The following CACNA2D2 variants were observed in gnomAD, a reference collection of about 807,000 sequenced individuals.
CACNA2D2 encodes the protein voltage-dependent calcium channel subunit alpha-2/delta-2.
A neutral mutation model predicts 166.4 loss-of-function variants in CACNA2D2; 48 were observed. The observed-to-expected ratio is 0.29, with a 90% confidence interval of 0.23 to 0.37. The LOEUF is 0.37. CACNA2D2 is among the 10% of genes least tolerant of loss of function. The pLI is 1.00. For missense variants in CACNA2D2, 1,122 were observed against 1,433.0 expected, an observed-to-expected ratio of 0.78 and a Z score of 3.50; for synonymous variants, 561 against 573.7, an observed-to-expected ratio of 0.98 and a Z score of 0.32.
At chr3:50,403,127 CCT>C (rs1195765639) in intron 3 of CACNA2D2, among the ~76,000 whole-genome samples, 1 of 152,216 alleles carries the variant, frequency 6.6e-6, no homozygotes, top group African/African-American at 2.4e-5. Flanking sequence ...ACTGCCCTCA[CCT>C]CTCTGTACCT....
rs1705174459 is a variant in CACNA2D2, at chr3:50,379,333, G to A, written c.1152+99C>T. On this transcript the variant is annotated intron_variant, in intron 11 of 37. Transcript: ENST00000424201. This position sits in a 1 kb window ranked among gnomAD's most constrained non-coding sequence, Gnocchi z 6.5. ...ATGGAGCTATCTGTCCAAGCTGCCT[G>A]TTTGGTGCTAACGAGGCCATCCGTC... is the stretch of plus-strand genomic sequence containing the variant. 6 of 1,498,696 alleles carry A rather than the reference G, an allele frequency of 4.0e-6. No homozygotes were observed. The African/African-American group carries it at 5.5e-5, about 14-fold the overall frequency. 92.8% of individuals were successfully genotyped at this position (1,498,696 alleles called of 1,614,324 possible).
rs1438757506 is a variant in CACNA2D2 at position 50,363,536 on chromosome 3, G to A, written c.*1130C>T. ...TTGGCCTCCTGCAAGCAGGGAGTGTGTGTGTAGGGGTGGGAAGGAGATAGG... is the reference window on the plus strand; with the variant it reads ...TTGGCCTCCTGCAAGCAGGGAGTGTATGTGTAGGGGTGGGAAGGAGATAGG... On this transcript the variant is annotated 3_prime_UTR_variant, in exon 38 of 38. Transcript: ENST00000424201. 2.8e-6 allele frequency: 1 copy of A among 352,692 alleles called. No homozygotes were observed. The highest frequency in any genetic ancestry group is 4.4e-5 in the East Asian group (1 of 22,650). The allele number at this position is 352,692 out of a possible 1,614,324, so 21.8% of individuals were successfully genotyped here. A position where few individuals can be genotyped will look rare whatever the true frequency, so the allele number is the denominator to read the frequency against.
At chr3:50,498,995 G>T (rs1225468183) in intron 1 of CACNA2D2, among the ~76,000 whole-genome samples, 4 of 152,238 alleles carry the variant, frequency 2.6e-5, no homozygotes, top group African/African-American at 9.6e-5. Context: ...TGAGGTCAAG[G>T]CACTAATGTG....
chr3:50,402,521 TG>T (rs1164341640), intron 3 of CACNA2D2, among the ~76,000 whole-genome samples: 3 of 152,186 alleles, frequency 2.0e-5, no homozygotes, highest in Non-Finnish European at 4.4e-5. Context: ...TGCAACAAAC[TG>T]CTTCAGGTCC....
At chr3:50,412,432 T>C (rs933627192) in intron 3 of CACNA2D2, among the ~76,000 whole-genome samples, 5 of 152,174 alleles carry the variant, frequency 3.3e-5, no homozygotes, top group African/African-American at 1.2e-4. Context: ...CTCCCCCAAT[T>C]ACCCCATTTT....
chr3:50,460,136 T>C lies in CACNA2D2; in HGVS notation c.288+15982A>G, dbSNP rs78834306. Among the ~76,000 whole-genome samples, 365 of 152,342 alleles carry C rather than the reference T, an allele frequency of 2.4e-3. 1 individual carries two copies. The highest frequency in any genetic ancestry group is 3.5e-3 in the Non-Finnish European group (237 of 68,032). On this transcript the variant is annotated intron_variant, in intron 2 of 37. Transcript: ENST00000424201. ...AAATACATGAAATGTGAATTAAGCC[T>C]GTTTTTTAAAATTAAAGAAAAAAAG...
chr3:50,408,285 C>T (rs974324085), intron 3 of CACNA2D2, among the ~76,000 whole-genome samples: 1 of 152,256 alleles, frequency 6.6e-6, no homozygotes, highest in Non-Finnish European at 1.5e-5. Flanking sequence ...GGGCTCCCTG[C>T]ACAGGTCATC....
intron 2 of CACNA2D2, among the ~76,000 whole-genome samples, chr3:50,464,190 C>G (rs1471868790): frequency 1.3e-5 from 2 of 152,366 alleles, no homozygotes; most frequent in East Asian, 3.9e-4. Flanking sequence ...AAATATTCAC[C>G]TTTCTACATC....
chr3:50,480,404 A>G (rs1697993201), intron 1 of CACNA2D2, among the ~76,000 whole-genome samples: 1 of 151,550 alleles, frequency 6.6e-6, no homozygotes, highest in African/African-American at 2.4e-5. Context: ...CATGCAATAC[A>G]GCCCCTCCCC....
chr3:50,455,635 A>T (rs1319935052), intron 2 of CACNA2D2, among the ~76,000 whole-genome samples: 2 of 152,098 alleles, frequency 1.3e-5, no homozygotes, highest in South Asian at 4.1e-4. Flanking sequence ...CGGCTCAGGG[A>T]GGCCAGCGCA....
At chr3:50,424,762 G>C (rs905380908) in intron 3 of CACNA2D2, among the ~76,000 whole-genome samples, 1 of 152,174 alleles carries the variant, frequency 6.6e-6, no homozygotes, top group African/African-American at 2.4e-5. Context: ...CAGTATCCCA[G>C]GACAGGAGGA....
intron 2 of CACNA2D2, among the ~76,000 whole-genome samples, chr3:50,454,310 T>C (rs748276455): frequency 4.6e-5 from 7 of 152,216 alleles, no homozygotes; most frequent in Non-Finnish European, 7.3e-5. Context: ...GCACCCGCTG[T>C]GTACGCAGAG....
chr3:50,454,760 C>T (rs760261862), intron 2 of CACNA2D2, among the ~76,000 whole-genome samples: 43 of 152,270 alleles, frequency 2.8e-4, no homozygotes, highest in Admixed American at 1.2e-3. Context: ...AGTCCAGTCC[C>T]TGCTCCACAG....
intron 1 of CACNA2D2, among the ~76,000 whole-genome samples, chr3:50,477,680 C>A (rs984029311): frequency 3.9e-5 from 6 of 152,204 alleles, no homozygotes; most frequent in Non-Finnish European, 5.9e-5. Flanking sequence ...AAAAAAGTTA[C>A]CATGAAGATT....
At chr3:50,448,251 T>G (rs1708944523) in intron 2 of CACNA2D2, among the ~76,000 whole-genome samples, 1 of 152,154 alleles carries the variant, frequency 6.6e-6, no homozygotes, top group African/African-American at 2.4e-5. Context: ...GGAAACCCTC[T>G]CCCATATAGT....
At chr3:50,420,504 A>G (rs1487618418) in intron 3 of CACNA2D2, among the ~76,000 whole-genome samples, 1 of 152,184 alleles carries the variant, frequency 6.6e-6, no homozygotes, top group African/African-American at 2.4e-5. Flanking sequence ...ATGCTTGGTC[A>G]GGGCCAAGGC....
chr3:50,470,811 C>G (rs1011463260), intron 2 of CACNA2D2, among the ~76,000 whole-genome samples: 1 of 152,024 alleles, frequency 6.6e-6, no homozygotes, highest in Non-Finnish European at 1.5e-5. Context: ...CTAGGCAGGG[C>G]TTTGGTCAGG....
At chr3:50,460,420 CTTTTTTTG>C (rs1167765025) in intron 2 of CACNA2D2, among the ~76,000 whole-genome samples, 1 of 151,896 alleles carries the variant, frequency 6.6e-6, no homozygotes, top group East Asian at 1.9e-4. Context: ...TAAAATTATT[CTTTTTTTG>C]TTTTTTTGTT....
intron 1 of CACNA2D2, among the ~76,000 whole-genome samples, chr3:50,490,189 C>G (rs144905272): frequency 6.6e-6 from 1 of 152,212 alleles, no homozygotes; most frequent in Non-Finnish European, 1.5e-5. Flanking sequence ...CTGGGACAAG[C>G]TGCAGATTTT....
Sources: gnomAD v4.1 joint callset for allele counts (sites outside exome capture counted in the v4.1 genomes callset) on GRCh38, gnomAD v4.1.1 for gene constraint, Gnocchi (gnomAD v3.1) non-coding constraint, MANE v1.5 for transcripts, NCBI Gene and HGNC (gene_info 2026-07-23, HGNC 2026-07-21) for gene names.